Variants in RGS6 observed in about 807,000 individuals in gnomAD.
RGS6 encodes regulator of G-protein signaling 6.
In RGS6, 30 loss-of-function variants were observed where a neutral mutation model predicts 78.5. The ratio of observed to expected loss-of-function variants is 0.38; its 90% CI spans 0.29 to 0.52. The LOEUF is 0.52. Among genes scored for constraint, RGS6 ranks in the 20% least tolerant of loss-of-function variants. The probability of loss-of-function intolerance (pLI) is 0.85; values close to 1 mark genes in which losing one functional copy is unlikely to be tolerated. For synonymous variants in RGS6, 206 were observed against 206.0 expected (o/e 1.00, Z 0.00); for missense variants, 495 against 609.7 (o/e 0.81, Z 1.98).
At chr14:72,251,344 A>G (rs781378455) in intron 2 of RGS6, among the ~76,000 whole-genome samples, 16 of 152,220 alleles carry the variant, frequency 1.1e-4, no homozygotes, top group Non-Finnish European at 8.8e-5. Context: ...TGAAATTCCT[A>G]GGGAGGGGGT....
chr14:72,596,135 C>T, the RGS6 span, among the ~76,000 whole-genome samples: 8 of 152,172 alleles, frequency 5.3e-5, no homozygotes, highest in East Asian at 1.9e-4. Context: ...TCTGAGGTTC[C>T]GAAGCCCCTA....
the RGS6 span, among the ~76,000 whole-genome samples, chr14:71,916,369 G>A: frequency 5.3e-5 from 8 of 152,218 alleles, no homozygotes; most frequent in Non-Finnish European, 1.2e-4. Context: ...CCCCACTGAT[G>A]AAATGGCTTA....
chr14:71,938,564 G>A (rs551461573), intron 1 of RGS6, among the ~76,000 whole-genome samples: 35 of 152,314 alleles, frequency 2.3e-4, no homozygotes, highest in Admixed American at 1.6e-3. Flanking sequence ...CCATGAGGCC[G>A]TGGGTGCAGG....
chr14:72,138,285 C>T (rs904786719), intron 2 of RGS6, among the ~76,000 whole-genome samples: 10 of 151,972 alleles, frequency 6.6e-5, no homozygotes, highest in South Asian at 2.1e-4. Flanking sequence ...AGGGAACCTG[C>T]GGAGATGGAG....
intron 17 of RGS6, chr14:72,550,371 G>T: frequency 9.0e-7 from 1 of 1,110,916 alleles, no homozygotes; most frequent in Non-Finnish European, 1.3e-6. Flanking sequence ...TAGTGACAGG[G>T]CTGGAGAACC....
At chr14:72,191,474 T>A (rs1398184331) in intron 2 of RGS6, among the ~76,000 whole-genome samples, 1 of 152,206 alleles carries the variant, frequency 6.6e-6, no homozygotes, top group Non-Finnish European at 1.5e-5. Flanking sequence ...AAAGGTTTAA[T>A]GGACTCACAG....
intron 2 of RGS6, among the ~76,000 whole-genome samples, chr14:72,127,173 C>T (rs1233502285): frequency 6.6e-6 from 1 of 152,034 alleles, no homozygotes; most frequent in Non-Finnish European, 1.5e-5. Context: ...TTATGATTAA[C>T]AATCAAAGTG....
chr14:72,126,794 T>G (rs2153581132), intron 2 of RGS6, among the ~76,000 whole-genome samples: 1 of 152,286 alleles, frequency 6.6e-6, no homozygotes, highest in South Asian at 2.1e-4. Context: ...GCTGAGTCAA[T>G]AAGGAAAACG....
Position 72,053,967 on chromosome 14 carries a change from A to C in RGS6, c.84+89092A>C, listed in dbSNP as rs1446394376. 5.3e-5 allele frequency among the ~76,000 whole-genome samples: 8 copies of C among 152,366 alleles called. No homozygotes were observed. In the East Asian group the frequency reaches 1.5e-3, roughly 29 times the overall value. On this transcript the variant is annotated intron_variant, in intron 2 of 17. Coordinates refer to ENST00000553525, the MANE Select transcript of RGS6 (RefSeq NM_001204424.2). The stretch of plus-strand genomic sequence containing the variant: ...TGTCGCTTGGTTTTAAAAGGTGGAA[A>C]TTGAGATAAGACCGAATGGTTGAGA...
chr14:72,449,649 C>A (rs929461676), intron 3 of RGS6, among the ~76,000 whole-genome samples: 2 of 152,198 alleles, frequency 1.3e-5, no homozygotes, highest in African/African-American at 4.8e-5. Context: ...TTACTCCCAC[C>A]AAGTAAACAA....
At chr14:72,020,192 G>C (rs180905853) in intron 2 of RGS6, among the ~76,000 whole-genome samples, 85 of 152,252 alleles carry the variant, frequency 5.6e-4, no homozygotes, top group Non-Finnish European at 9.4e-4. Context: ...CTTGATGTTT[G>C]GTCTCCCAGC....
intron 2 of RGS6, among the ~76,000 whole-genome samples, chr14:72,020,934 A>C (rs529313244): frequency 6.6e-6 from 1 of 152,322 alleles, no homozygotes; most frequent in Admixed American, 6.5e-5. Context: ...TGAACTGGTC[A>C]AGGAAAGTCT....
intron 3 of RGS6, among the ~76,000 whole-genome samples, chr14:72,424,731 G>C (rs1034159066): frequency 1.3e-5 from 2 of 152,070 alleles, no homozygotes; most frequent in African/African-American, 4.8e-5. Flanking sequence ...GTATTTTCTG[G>C]ACATCATCTT....
At chr14:72,299,500 G>A (rs1273206402) in intron 2 of RGS6, among the ~76,000 whole-genome samples, 3 of 152,228 alleles carry the variant, frequency 2.0e-5, no homozygotes, top group African/African-American at 7.2e-5. Flanking sequence ...ATACCTAGGG[G>A]AAGAATTTCT....
intron 2 of RGS6, among the ~76,000 whole-genome samples, chr14:72,142,508 C>A (rs532299986): frequency 3.9e-5 from 6 of 152,178 alleles, no homozygotes; most frequent in African/African-American, 1.4e-4. Context: ...GCCCTGAGAT[C>A]ATTTGCATCT....
chr14:72,195,926 A>T (rs1246976864), intron 2 of RGS6, among the ~76,000 whole-genome samples: 1 of 152,234 alleles, frequency 6.6e-6, no homozygotes, highest in African/African-American at 2.4e-5. Flanking sequence ...TTTTGAACTT[A>T]AATTTATAGG....
intron 2 of RGS6, among the ~76,000 whole-genome samples, chr14:72,304,419 C>T (rs2066780655): frequency 6.6e-6 from 1 of 152,196 alleles, no homozygotes; most frequent in Admixed American, 6.5e-5. Context: ...AACCAATTTA[C>T]TTATCTTGTT....
At chr14:72,076,563 C>G (rs963315818) in intron 2 of RGS6, among the ~76,000 whole-genome samples, 32 of 152,144 alleles carry the variant, frequency 2.1e-4, no homozygotes, top group African/African-American at 7.7e-4. Flanking sequence ...GCGTTTCACT[C>G]TGTCACCCAG....
chr14:71,908,365 T>C, the RGS6 span: 1 of 152,216 alleles, frequency 6.6e-6, no homozygotes, highest in African/African-American at 2.4e-5. Context: ...GAGTTTCCAA[T>C]GTGGGAGTTT....
Sources: gnomAD v4.1 joint callset for allele counts (sites outside exome capture counted in the v4.1 genomes callset) on GRCh38, gnomAD v4.1.1 for gene constraint, MANE v1.5 for transcripts, NCBI Gene and HGNC (gene_info 2026-07-23, HGNC 2026-07-21) for gene names.